Variants in MLIP observed in about 807,000 individuals in gnomAD.
MLIP encodes muscular LMNA-interacting protein.
MLIP carries 79 observed loss-of-function variants against 84.8 expected under a neutral mutation model. That is an observed-to-expected ratio of 0.93 (90% CI 0.78 to 1.12). MLIP has a LOEUF of 1.12. Among genes scored for constraint, MLIP ranks in the 50% most tolerant of loss-of-function variants. MLIP has a pLI of 0.00. For missense variants in MLIP, 1,257 were observed against 1,160.6 expected, an observed-to-expected ratio of 1.08 and a Z score of -1.21; for synonymous variants, 504 against 463.0, an observed-to-expected ratio of 1.09 and a Z score of -1.14.
Position 54,240,836 on chromosome 6 carries a change from C to T in MLIP, c.2922+9919C>T, listed in dbSNP as rs911327010. On this transcript the variant is annotated intron_variant, in intron 12 of 13. Coordinates refer to ENST00000502396, the MANE Select transcript of MLIP (RefSeq NM_001281747.2). ...CTAAAAATAGAAAAAATGAGCTGGG[C>T]GTGGTGGCACGCACCTGTAGTCCCA... Among the ~76,000 whole-genome samples, 6 of 152,166 alleles carry T rather than the reference C, an allele frequency of 3.9e-5. No homozygotes were observed. The South Asian group carries it at 1.2e-3, about 32-fold the overall frequency.
At chr6:54,213,733 A>AAT (rs1779650000) in intron 11 of MLIP, among the ~76,000 whole-genome samples, 1 of 118,570 alleles carries the variant, frequency 8.4e-6, no homozygotes, top group African/African-American at 3.6e-5. Flanking sequence ...AAAAAAAAAA[A>AAT]AAACAACAAA....
rs116104475 is a variant in MLIP, at chr6:54,052,319, T to G, written c.63+33228T>G. 6.0e-3 allele frequency among the ~76,000 whole-genome samples: 911 copies of G among 152,254 alleles called. 15 individuals carry two copies. Among genetic ancestry groups the G allele is most frequent in the African/African-American group, 0.021 (862 of 41,552 alleles). On this transcript the variant is annotated intron_variant, in intron 1 of 12. Coordinates refer to the MLIP transcript ENST00000274897. ...ATGGCATCAGGAAAGCACATTAAAC[T>G]CCTATGAAAATCATGGCACTCCTAG...
chr6:54,030,567 C>G (rs572332831), intron 1 of MLIP: 24 of 125,124 alleles, frequency 1.9e-4, no homozygotes, highest in Admixed American at 1.6e-3. Flanking sequence ...ATTTTAAACA[C>G]AGCAACTATT....
In MLIP at chr6:54,124,601, T is replaced by C; in HGVS notation, c.381T>C (p.Leu127=). 1 of 1,614,156 alleles carries C rather than the reference T, an allele frequency of 6.2e-7. No individual in the cohort carries two copies. Residue 127 remains leucine (L), a synonymous_variant, in exon 3 of 14, where the codon CTT becomes CTC. Transcript: ENST00000502396. ...LQEREFEANK[L]QGMQQSDLFK... is the part of the protein sequence containing the mutation. The stretch of plus-strand genomic sequence containing the variant: ...AAAGGGAATTCGAAGCAAACAAACT[T>C]CAAGGGATGCAGCAAAGTGACCTCT...
At chr6:54,183,223 G>C (rs1777060733) in intron 9 of MLIP, among the ~76,000 whole-genome samples, 1 of 152,192 alleles carries the variant, frequency 6.6e-6, no homozygotes, top group Non-Finnish European at 1.5e-5. Flanking sequence ...ATAGATCTTA[G>C]GACGAGAGGT....
chr6:54,261,774 A>G, intron 13 of MLIP: 2 of 976,150 alleles, frequency 2.0e-6, no homozygotes, highest in Non-Finnish European at 2.4e-6. Flanking sequence ...GGTTTGATTC[A>G]AGGGTAAAAA....
chr6:54,156,821 C>A (rs1774081159), intron 5 of MLIP, among the ~76,000 whole-genome samples: 1 of 151,958 alleles, frequency 6.6e-6, no homozygotes, highest in African/African-American at 2.4e-5. Context: ...TTTCTGTAGT[C>A]TAATAGGACA....
intron 10 of MLIP, among the ~76,000 whole-genome samples, chr6:54,192,148 T>TTA (rs1210196577): frequency 6.6e-6 from 1 of 152,062 alleles, no homozygotes; most frequent in East Asian, 1.9e-4. Context: ...TTGAATGACT[T>TTA]TTATAATAAT....
chr6:54,100,906 A>G (rs1385195740), intron 1 of MLIP, among the ~76,000 whole-genome samples: 1 of 152,162 alleles, frequency 6.6e-6, no homozygotes, highest in Non-Finnish European at 1.5e-5. Flanking sequence ...AAAATTACTG[A>G]GTGTCAAATA....
chr6:54,215,234 A>T (rs1779773589), intron 11 of MLIP: 1 of 1,524,480 alleles, frequency 6.6e-7, no homozygotes, highest in Admixed American at 2.1e-5. Context: ...GTGGCTAGTT[A>T]CTGTAGCCTT....
intron 1 of MLIP, among the ~76,000 whole-genome samples, chr6:54,099,974 C>G (rs1027449116): frequency 6.6e-6 from 1 of 152,086 alleles, no homozygotes; most frequent in Non-Finnish European, 1.5e-5. Flanking sequence ...GGAGTACATT[C>G]AGTAATCGTT....
Position 54,194,328 on chromosome 6 carries a change from T to C in MLIP, c.2589+4414T>C, listed in dbSNP as rs1778148691. 2.6e-5 allele frequency among the ~76,000 whole-genome samples: 4 copies of C among 152,236 alleles called. No individual in the cohort carries two copies. The South Asian group carries it at 8.3e-4, about 32-fold the overall frequency. On this transcript the variant is annotated intron_variant, in intron 10 of 13. Coordinates refer to ENST00000502396, the MANE Select transcript of MLIP (RefSeq NM_001281747.2). ...TCAAAGGCAGTTTCTCCTTGACCAG[T>C]TTTTCCTTGACATAACGTACTTAAG...
chr6:54,131,477 G>T (rs763198236), intron 3 of MLIP, among the ~76,000 whole-genome samples: 2 of 152,032 alleles, frequency 1.3e-5, no homozygotes, highest in South Asian at 2.1e-4. Context: ...AGGGACCTTT[G>T]TTACATTTGA....
intron 3 of MLIP, among the ~76,000 whole-genome samples, chr6:54,128,495 G>A (rs1208968969): frequency 2.0e-5 from 3 of 152,062 alleles, no homozygotes; most frequent in African/African-American, 7.2e-5. Flanking sequence ...AAACTAATGA[G>A]ACTTTCCAAA....
chr6:54,232,016 C>T (rs1169208686), intron 12 of MLIP, among the ~76,000 whole-genome samples: 1 of 151,708 alleles, frequency 6.6e-6, no homozygotes, highest in Admixed American at 6.6e-5. Context: ...AGTTTTTTGC[C>T]AAAAAATGTT....
At position 54,136,869 on chromosome 6, in the gene MLIP, G is replaced by T; in HGVS notation, c.800G>T (p.Gly267Val). The change falls in exon 4 of 14, where the codon GGT becomes GTT. Residue 267 changes from glycine (G) to valine (V), a missense_variant. Gly to Val is a moderately radical substitution (Grantham distance 109, BLOSUM62 -3). Coordinates refer to ENST00000502396, the MANE Select transcript of MLIP (RefSeq NM_001281747.2). ...TTCCACACTAGGAGGCTGGATGTCG[G>T]TGGGGCCGTGGTGGAAGAATCAGCT... ...EEFHTRRLDV[G>V]GAVVEESATY... 1.3e-6 allele frequency: 2 copies of T among 1,535,238 alleles called. No homozygotes were observed. The highest frequency in any genetic ancestry group is 2.0e-5 in the Admixed American group (1 of 50,964).
rs1294943013 is a variant in MLIP at position 54,249,805 on chromosome 6, T to A, written c.2923-7503T>A. On this transcript the variant is annotated intron_variant, in intron 12 of 13. Coordinates refer to ENST00000502396, the MANE Select transcript of MLIP (RefSeq NM_001281747.2). ...TGTGTGTATATATATGTTTATTTAC[T>A]TTTATTTTAAGTTTGGGGGTCCATT... Among the ~76,000 whole-genome samples, 3 of 151,918 alleles carry A rather than the reference T, an allele frequency of 2.0e-5. 1 individual carries two copies. The highest frequency in any genetic ancestry group is 4.8e-5 in the African/African-American group (2 of 41,364).
At chr6:54,162,756 T>A (rs1774781276) in intron 8 of MLIP, among the ~76,000 whole-genome samples, 1 of 151,572 alleles carries the variant, frequency 6.6e-6, no homozygotes, top group South Asian at 2.1e-4. Context: ...CAAGGATGAG[T>A]TTGAAGTGCT....
chr6:54,051,883 G>C (rs1318237177), intron 1 of MLIP, among the ~76,000 whole-genome samples: 1 of 152,108 alleles, frequency 6.6e-6, no homozygotes, highest in Admixed American at 6.6e-5. Flanking sequence ...TTTGTTGTTT[G>C]CTGGTAACAA....
Sources: gnomAD v4.1 joint callset for allele counts (sites outside exome capture counted in the v4.1 genomes callset) on GRCh38, gnomAD v4.1.1 for gene constraint, MANE v1.5 for transcripts, NCBI Gene and HGNC (gene_info 2026-07-23, HGNC 2026-07-21) for gene names.